The following TFDP2 variants were observed in gnomAD, a reference collection of about 807,000 sequenced individuals.
TFDP2 encodes the protein transcription factor Dp-2.
Under a neutral mutation model 59.3 loss-of-function variants are expected in TFDP2, and 17 were observed. That is an observed-to-expected ratio of 0.29 (90% CI 0.20 to 0.43). The LOEUF (loss-of-function observed/expected upper bound fraction) is 0.43. Ranked by LOEUF, TFDP2 falls within the 20% of genes least tolerant of loss-of-function variation. The probability of loss-of-function intolerance (pLI) is 1.00; values close to 1 mark genes in which losing one functional copy is unlikely to be tolerated. For synonymous variants in TFDP2, 180 were observed against 194.7 expected (o/e 0.92, Z 0.63); for missense variants, 391 against 528.8 (o/e 0.74, Z 2.56).
intron 1 of TFDP2, among the ~76,000 whole-genome samples, chr3:142,136,433 C>G (rs141456572): frequency 6.6e-6 from 1 of 151,936 alleles, no homozygotes; most frequent in Admixed American, 6.6e-5. Context: ...TAATTAGATC[C>G]CATTTGTCTA....
At chr3:142,073,792 T>G (rs2060345678) in intron 3 of TFDP2, among the ~76,000 whole-genome samples, 1 of 152,194 alleles carries the variant, frequency 6.6e-6, no homozygotes, top group Non-Finnish European at 1.5e-5. Flanking sequence ...CAGAACATTA[T>G]CATCACTGCA....
intron 11 of TFDP2, among the ~76,000 whole-genome samples, chr3:141,954,101 A>G (rs1264989345): frequency 6.6e-6 from 1 of 152,034 alleles, no homozygotes; most frequent in Non-Finnish European, 1.5e-5. Flanking sequence ...CGGAGGTTGC[A>G]GTGAGCTGAG....
At chr3:142,022,981 G>A (rs12496412) in intron 3 of TFDP2, among the ~76,000 whole-genome samples, 92,326 of 150,894 alleles carry the variant, frequency 0.61, 29,666 homozygotes, top group East Asian at 0.78. Flanking sequence ...TTAGCCGGGC[G>A]CAGTGGCATG....
chr3:141,951,129 T>G lies in TFDP2; in HGVS notation c.*1384A>C, dbSNP rs548440589. On this transcript the variant is annotated 3_prime_UTR_variant, in exon 13 of 13. Transcript: ENST00000489671. ...GCCATGCTTGGTGCATCTAGCATAA[T>G]CTTGGGACAAATCCACATGATTCAG... 9.2e-5 allele frequency: 14 copies of G among 152,160 alleles called. No individual in the cohort carries two copies. Among genetic ancestry groups the G allele is most frequent in the Non-Finnish European group, 2.1e-4 (14 of 68,032 alleles). The allele number at this position is 152,160 out of a possible 1,614,324, so 9.4% of individuals were successfully genotyped here. A position where few individuals can be genotyped will look rare whatever the true frequency, so the allele number is the denominator to read the frequency against.
At chr3:142,149,072 G>C (rs555292194) in intron 1 of TFDP2, 111 bp downstream of exon 1, 2 of 394,566 alleles carry the variant, frequency 5.1e-6, no homozygotes, top group Admixed American at 4.4e-5. Context: ...TGGGACTCGT[G>C]GGGGAACAAG....
chr3:142,030,792 G>A (rs895439052), intron 3 of TFDP2, among the ~76,000 whole-genome samples: 5 of 143,930 alleles, frequency 3.5e-5, no homozygotes, highest in Non-Finnish European at 7.5e-5. Flanking sequence ...GCCCAGGCTG[G>A]AGTGCAGTGG....
intron 1 of TFDP2, among the ~76,000 whole-genome samples, chr3:142,137,769 G>A (rs1170299242): frequency 6.6e-6 from 1 of 152,196 alleles, no homozygotes; most frequent in African/African-American, 2.4e-5. Flanking sequence ...TGTGCTGCTG[G>A]ATTGGATTTG....
intron 9 of TFDP2, among the ~76,000 whole-genome samples, chr3:141,968,274 A>G (rs1166868965): frequency 2.9e-5 from 4 of 135,802 alleles, no homozygotes; most frequent in Non-Finnish European, 6.1e-5. Flanking sequence ...ATAATTATAT[A>G]TAATATATAA....
intron 9 of TFDP2, among the ~76,000 whole-genome samples, chr3:141,968,108 G>T (rs1938417584): frequency 6.6e-6 from 1 of 150,952 alleles, no homozygotes; most frequent in African/African-American, 2.4e-5. Context: ...CCGGGGGGAA[G>T]AAGATGGCAG....
chr3:141,974,907 CTTTTTTTTTTTTTTT>C (rs753702830), intron 7 of TFDP2, among the ~76,000 whole-genome samples: 12 of 90,500 alleles, frequency 1.3e-4, no homozygotes, highest in African/African-American at 5.1e-4. Context: ...TCTTCTTCTT[CTTTTTTTTTTTTTTT>C]TTTTTTTTTG....
intron 3 of TFDP2, among the ~76,000 whole-genome samples, chr3:142,019,041 T>G (rs1250886029): frequency 7.5e-6 from 1 of 133,260 alleles, no homozygotes; most frequent in Non-Finnish European, 1.5e-5. Flanking sequence ...TTTTATATAT[T>G]ATTCTTCGCA....
intron 3 of TFDP2, among the ~76,000 whole-genome samples, chr3:142,022,821 T>C (rs1945719789): frequency 6.6e-6 from 1 of 152,148 alleles, no homozygotes; most frequent in South Asian, 2.1e-4. Context: ...AGACTTTGAA[T>C]TAAAAAGCTG....
chr3:142,000,105 G>C (rs913352225), intron 4 of TFDP2: 1 of 466,404 alleles, frequency 2.1e-6, no homozygotes. Flanking sequence ...GAGGAGAAGC[G>C]ATAAATGGCT....
At chr3:142,008,684 T>A (rs921199048) in intron 3 of TFDP2, among the ~76,000 whole-genome samples, 12 of 152,048 alleles carry the variant, frequency 7.9e-5, no homozygotes, top group Non-Finnish European at 1.2e-4. Flanking sequence ...GTTTCCTACA[T>A]ATACATACAT....
chr3:142,112,129 G>A (rs188680438), intron 1 of TFDP2, among the ~76,000 whole-genome samples: 6 of 152,178 alleles, frequency 3.9e-5, no homozygotes, highest in Admixed American at 3.9e-4. Flanking sequence ...GAGAGCTACA[G>A]CATCTGAACC....
intron 6 of TFDP2, among the ~76,000 whole-genome samples, 161 bp downstream of exon 6, chr3:141,993,377 A>G (rs948728418): frequency 2.0e-5 from 3 of 152,216 alleles, no homozygotes; most frequent in African/African-American, 7.2e-5. Flanking sequence ...AGATACTATG[A>G]GTGAACTGGG....
intron 2 of TFDP2, among the ~76,000 whole-genome samples, chr3:142,097,242 C>T (rs1356317327): frequency 6.6e-6 from 1 of 152,158 alleles, no homozygotes; most frequent in Non-Finnish European, 1.5e-5. Flanking sequence ...AAATTATACA[C>T]ACTTTGGCTC....
intron 3 of TFDP2, among the ~76,000 whole-genome samples, chr3:142,079,701 C>A (rs2060572575): frequency 6.6e-6 from 1 of 152,178 alleles, no homozygotes; most frequent in Non-Finnish European, 1.5e-5. Context: ...GCAGACTTTT[C>A]AGTGGAAACT....
intron 3 of TFDP2, among the ~76,000 whole-genome samples, chr3:142,018,127 G>A (rs779200928): frequency 1.7e-4 from 26 of 152,044 alleles, no homozygotes; most frequent in Admixed American, 7.9e-4. Flanking sequence ...ACTTTCAGTA[G>A]AGACAGGGGT....
Sources: gnomAD v4.1 joint callset for allele counts (sites outside exome capture counted in the v4.1 genomes callset) on GRCh38, gnomAD v4.1.1 for gene constraint, MANE v1.5 for transcripts, NCBI Gene and HGNC (gene_info 2026-07-23, HGNC 2026-07-21) for gene names.